TRDN: variants seen among roughly 807,000 people sequenced by gnomAD.
TRDN encodes the protein triadin.
A neutral mutation model predicts 149.7 loss-of-function variants in TRDN; 161 were observed. The ratio of observed to expected loss-of-function variants is 1.08; its 90% CI spans 0.95 to 1.23. The LOEUF is 1.23. TRDN is among the 50% of genes most tolerant of loss of function. The probability of loss-of-function intolerance (pLI) is 0.00; values close to 1 mark genes in which losing one functional copy is unlikely to be tolerated. For missense variants in TRDN, 896 were observed against 823.5 expected (o/e 1.09, Z -1.08); for synonymous variants, 294 against 250.5 (o/e 1.17, Z -1.64).
intron 38 of TRDN, among the ~76,000 whole-genome samples, chr6:123,232,952 T>G (rs1006040476): frequency 2.6e-5 from 4 of 152,078 alleles, no homozygotes; most frequent in African/African-American, 9.7e-5. Context: ...AGCAGTCTAT[T>G]TTGATTTGTG....
At chr6:123,603,886 A>G (rs768409863) in intron 1 of TRDN, among the ~76,000 whole-genome samples, 5 of 152,180 alleles carry the variant, frequency 3.3e-5, no homozygotes, top group Non-Finnish European at 7.3e-5. Context: ...GCATCTAATA[A>G]TCTACTTTTC....
At chr6:123,449,300 C>A (rs957542667) in intron 10 of TRDN, among the ~76,000 whole-genome samples, 3 of 151,884 alleles carry the variant, frequency 2.0e-5, no homozygotes, top group African/African-American at 7.3e-5. Flanking sequence ...AGGTGAAGCC[C>A]AGTGCAAGGA....
intron 10 of TRDN, among the ~76,000 whole-genome samples, chr6:123,450,316 C>G (rs189996875): frequency 2.0e-3 from 297 of 152,206 alleles, no homozygotes; most frequent in African/African-American, 6.9e-3. Flanking sequence ...AATCACCAAC[C>G]AACTATCTGC....
Position 123,264,470 on chromosome 6 carries a change from A to G in TRDN, c.1804+848T>C, listed in dbSNP as rs377351232. Among the ~76,000 whole-genome samples, 16 of 152,252 alleles carry G rather than the reference A, an allele frequency of 1.1e-4. No individual in the cohort carries two copies. In the East Asian group the frequency reaches 1.4e-3, roughly 13 times the overall value. On this transcript the variant is annotated intron_variant, in intron 33 of 40. Coordinates refer to ENST00000334268, the MANE Select transcript of TRDN (RefSeq NM_006073.4). The stretch of plus-strand genomic sequence containing the variant: ...AGTTATTTCTCATGGATGAGAAAAG[A>G]AAGTGGATACTTGAGATGGAATCTA...
intron 24 of TRDN, among the ~76,000 whole-genome samples, chr6:123,287,806 G>C (rs759302944): frequency 6.6e-6 from 1 of 151,936 alleles, no homozygotes; most frequent in Non-Finnish European, 1.5e-5. Context: ...TCAAATAATA[G>C]ACTTGATGTT....
rs5879683 is a variant in TRDN, at chr6:123,465,116, CA to C, written c.854-134del. 0.16 allele frequency: 159,762 copies of C among 969,556 alleles called. 14,766 individuals carry two copies. The highest frequency in any genetic ancestry group is 0.28 in the South Asian group (10,557 of 38,104). 60.1% of individuals were successfully genotyped at this position (969,556 alleles called of 1,614,324 possible). On this transcript the variant is annotated intron_variant, in intron 9 of 40. Transcript: ENST00000334268. ...GCCAAGTATAAATCATATTATTATG[CA>C]AAAAAGAAAGCTATTATTAAGGGAG... is the stretch of plus-strand genomic sequence containing the variant.
chr6:123,320,381 A>AT (rs1423141419), intron 23 of TRDN, among the ~76,000 whole-genome samples: 2 of 151,888 alleles, frequency 1.3e-5, no homozygotes, highest in East Asian at 1.9e-4. Flanking sequence ...TCCTGGGATG[A>AT]TTTTTTTATT....
intron 1 of TRDN, among the ~76,000 whole-genome samples, chr6:123,596,152 G>A (rs556220286): frequency 6.8e-4 from 103 of 152,160 alleles, no homozygotes; most frequent in African/African-American, 2.1e-3. Flanking sequence ...TGATAAAAAA[G>A]CAAAACAGCC....
intron 9 of TRDN, among the ~76,000 whole-genome samples, chr6:123,473,859 A>G (rs886114487): frequency 6.6e-6 from 1 of 152,100 alleles, no homozygotes; most frequent in Non-Finnish European, 1.5e-5. Context: ...TCATAAGCGA[A>G]CGAGAAATAA....
chr6:123,524,258 G>A (rs1241642516), intron 5 of TRDN, among the ~76,000 whole-genome samples: 2 of 152,122 alleles, frequency 1.3e-5, no homozygotes, highest in Non-Finnish European at 2.9e-5. Flanking sequence ...ATGTTAATAT[G>A]GGCTTGAATA....
intron 12 of TRDN, among the ~76,000 whole-genome samples, chr6:123,395,477 T>C (rs1188656035): frequency 6.6e-6 from 1 of 152,148 alleles, no homozygotes; most frequent in Non-Finnish European, 1.5e-5. Context: ...TTTACCTCTT[T>C]AATAACCTTA....
At chr6:123,384,286 G>A (rs895508072) in intron 14 of TRDN, among the ~76,000 whole-genome samples, 62 of 152,170 alleles carry the variant, frequency 4.1e-4, no homozygotes, top group African/African-American at 1.9e-4. Flanking sequence ...TTCAATGTCC[G>A]TTTTAAGTTG....
chr6:123,532,950 C>A (rs913967813), intron 4 of TRDN, among the ~76,000 whole-genome samples: 1 of 151,924 alleles, frequency 6.6e-6, no homozygotes, highest in African/African-American at 2.4e-5. Context: ...ACTTGATATT[C>A]TCTCCTGTCA....
chr6:123,412,026 G>A (rs1475968053), intron 12 of TRDN, among the ~76,000 whole-genome samples: 2 of 152,182 alleles, frequency 1.3e-5, no homozygotes, highest in African/African-American at 4.8e-5. Flanking sequence ...AATCCTTCTG[G>A]CTGGTTAATT....
chr6:123,275,988 G>A (rs1466901289), intron 26 of TRDN, among the ~76,000 whole-genome samples: 1 of 152,102 alleles, frequency 6.6e-6, no homozygotes, highest in African/African-American at 2.4e-5. Context: ...CCTTGTTACT[G>A]TGTCCTTCAG....
chr6:123,628,212 T>C (rs1785777583), intron 1 of TRDN, among the ~76,000 whole-genome samples: 1 of 152,198 alleles, frequency 6.6e-6, no homozygotes, highest in African/African-American at 2.4e-5. Flanking sequence ...TTTCAGCTTT[T>C]GATTGAAAGT....
intron 1 of TRDN, among the ~76,000 whole-genome samples, chr6:123,617,902 T>C (rs1785183028): frequency 6.6e-6 from 1 of 152,084 alleles, no homozygotes; most frequent in African/African-American, 2.4e-5. Context: ...CACACCCGGC[T>C]AATTTTTGTA....
At position 123,534,908 on chromosome 6, in the gene TRDN, C is replaced by G. The variant is rs149342578; in HGVS notation, c.425-4343G>C. On this transcript the variant is annotated intron_variant, in intron 4 of 40. Transcript: ENST00000334268. ...GGATACAAGAGACTTAGAAGAAAGG[C>G]AAGGCAGTCATTATTTACCTCCACA... Among the ~76,000 whole-genome samples, 11 of 152,154 alleles carry G rather than the reference C, an allele frequency of 7.2e-5. No individual in the cohort carries two copies. The East Asian group carries it at 2.1e-3, about 29-fold the overall frequency.
At position 123,438,918 on chromosome 6, in the gene TRDN, T is replaced by C. The variant is rs1319138289; in HGVS notation, c.991+26A>G. ...ATGCATGGACACTAATTGATTTATG[T>C]GGTACATGGCTTTTAAATTTCCTAC... is the stretch of plus-strand genomic sequence containing the variant. On this transcript the variant is annotated intron_variant, in intron 11 of 40. Coordinates refer to ENST00000334268, the MANE Select transcript of TRDN (RefSeq NM_006073.4). 13 of 1,525,418 alleles carry C rather than the reference T, an allele frequency of 8.5e-6. No homozygotes were observed. The South Asian group carries it at 1.5e-4, about 18-fold the overall frequency. 94.5% of individuals were successfully genotyped at this position (1,525,418 alleles called of 1,614,324 possible).
Sources: gnomAD v4.1 joint callset for allele counts (sites outside exome capture counted in the v4.1 genomes callset) on GRCh38, gnomAD v4.1.1 for gene constraint, MANE v1.5 for transcripts, NCBI Gene and HGNC (gene_info 2026-07-23, HGNC 2026-07-21) for gene names.